Variants in ZNF488 observed in about 807,000 individuals in gnomAD.
The protein encoded by ZNF488 is zinc finger protein 488.
In ZNF488, 1 loss-of-function variant was observed where a neutral mutation model predicts 1.2. The observed-to-expected ratio is 0.86, with a 90% CI of 0.30 to 4.07. The LOEUF is 4.07. ZNF488 is among the 30% of genes most tolerant of loss of function. The pLI is 0.18. For missense variants in ZNF488, 450 were observed against 437.9 expected (o/e 1.03, Z -0.25); for synonymous variants, 185 against 190.1 (o/e 0.97, Z 0.22).
chr10:47,365,539 C>G lies in ZNF488; in HGVS notation c.*2268G>C, dbSNP rs1366878923. 4.2e-5 allele frequency: 7 copies of G among 167,156 alleles called. No homozygotes were observed. Among genetic ancestry groups the G allele is most frequent in the Non-Finnish European group, 8.8e-5 (6 of 68,154 alleles). The allele number at this position is 167,156 out of a possible 1,614,324, so 10.4% of individuals were successfully genotyped here. A position where few individuals can be genotyped will look rare whatever the true frequency, so the allele number is the denominator to read the frequency against. On this transcript the variant is annotated 3_prime_UTR_variant, in exon 2 of 2. Coordinates refer to ENST00000585316, the MANE Select transcript of ZNF488 (RefSeq NM_153034.4). ...TTATGCACCAACAATATGCCATGCC[C>G]TGTTCTGGGCACCAGGGATGCACAG...
intron 1 of ZNF488, among the ~76,000 whole-genome samples, chr10:47,375,558 A>T (rs1673467254): frequency 6.6e-6 from 1 of 152,234 alleles, no homozygotes; most frequent in Admixed American, 6.5e-5. Flanking sequence ...TGTCTTGTCG[A>T]TAGCTGTTAT....
rs1555213084 is a variant in ZNF488, at chr10:47,367,972, T to C, written c.858A>G (p.Leu286=). 1.2e-6 allele frequency: 2 copies of C among 1,614,032 alleles called. No individual in the cohort carries two copies. Among genetic ancestry groups the C allele is most frequent in the South Asian group, 2.2e-5 (2 of 91,072 alleles). Residue 286 remains leucine, a synonymous_variant, in exon 2 of 2, where the codon CTA becomes CTG. Coordinates refer to ENST00000585316, the MANE Select transcript of ZNF488 (RefSeq NM_153034.4). The part of the protein sequence containing the change: ...WCAKCNLSFR[L]TSDLVFHMRS... ...GCATGTGAAAGACCAGGTCGGACGT[T>C]AGGCGAAAGGACAGGTTGCACTTTG...
At chr10:47,381,854 A>G (rs1237342114) in intron 1 of ZNF488, among the ~76,000 whole-genome samples, 2 of 152,244 alleles carry the variant, frequency 1.3e-5, no homozygotes, top group African/African-American at 4.8e-5. Context: ...AGAGTCTGCC[A>G]TGAATATGAC....
intron 1 of ZNF488, among the ~76,000 whole-genome samples, chr10:47,377,610 A>T (rs1000902817): frequency 1.8e-4 from 26 of 148,216 alleles, no homozygotes; most frequent in African/African-American, 4.5e-4. Context: ...TCACACACAC[A>T]CACACACACA....
chr10:47,375,104 T>C (rs566814021), intron 1 of ZNF488, among the ~76,000 whole-genome samples: 1 of 152,338 alleles, frequency 6.6e-6, no homozygotes, highest in African/African-American at 2.4e-5. Context: ...GCCTGCAACT[T>C]GATTTTCTTG....
At chr10:47,377,100 C>T (rs1423849297) in intron 1 of ZNF488, among the ~76,000 whole-genome samples, 1 of 152,236 alleles carries the variant, frequency 6.6e-6, no homozygotes, top group East Asian at 1.9e-4. Context: ...ATCTCTGCAA[C>T]CCCCGCAGGG....
intron 1 of ZNF488, among the ~76,000 whole-genome samples, chr10:47,373,606 G>A (rs782535210): frequency 2.0e-5 from 3 of 152,106 alleles, no homozygotes; most frequent in Non-Finnish European, 4.4e-5. Flanking sequence ...CCTCAGGAAC[G>A]TTCATTTATT....
In ZNF488 at chr10:47,367,807, C is replaced by T; in HGVS notation, c.1023G>A (p.Ter341=). ...HLSRHMTSHS[*] ...CAGCAGGTCATTCTGCGGTCACCTGCTAGCTGTGAGAAGTCATGTGCCGGG... is the reference window on the plus strand; with the variant it reads ...CAGCAGGTCATTCTGCGGTCACCTGTTAGCTGTGAGAAGTCATGTGCCGGG... Residue 341 remains the stop codon, a stop_retained_variant, in exon 2 of 2, where the codon TAG becomes TAA. Transcript: ENST00000585316. 1 of 1,607,306 alleles carries T rather than the reference C, an allele frequency of 6.2e-7. No individual in the cohort carries two copies. Among genetic ancestry groups the T allele is most frequent in the South Asian group, 1.1e-5 (1 of 89,936 alleles).
chr10:47,383,332 C>G (rs1838057297), intron 1 of ZNF488, among the ~76,000 whole-genome samples: 1 of 152,190 alleles, frequency 6.6e-6, no homozygotes, highest in Non-Finnish European at 1.5e-5. Flanking sequence ...CTGTTAATTT[C>G]TTATTTCCAG....
At position 47,368,458 on chromosome 10, in the gene ZNF488, G is replaced by A; in HGVS notation, c.372C>T (p.Asp124=). 2 of 1,614,024 alleles carry A rather than the reference G, an allele frequency of 1.2e-6. No homozygotes were observed. The highest frequency in any genetic ancestry group is 1.7e-6 in the Non-Finnish European group (2 of 1,180,004). ...GTGGGGCACCAGGTTGGCCTGTGGG[G>A]TCATCGTGCTCCCTCTCCTGGGCCT... ...DAQAQEREHD[D]PTGQPGAPQL... Residue 124 remains aspartate, a synonymous_variant, in exon 2 of 2, where the codon GAC becomes GAT. Transcript: ENST00000585316.
In ZNF488 at chr10:47,368,186, C is replaced by A; in HGVS notation, c.644G>T (p.Gly215Val). ...CAATGCTTGCAAGTTCCACAAATCA[C>A]CAACCAAAAGCTTGGGAGTTGAAAG... ...GRLSTPKLLV[G>V]DLWNLQALPQ... The change falls in exon 2 of 2, where the codon GGT becomes GTT. Residue 215 changes from glycine to valine, a missense_variant. Coordinates refer to ENST00000585316, the MANE Select transcript of ZNF488 (RefSeq NM_153034.4). 6.2e-7 allele frequency: 1 copy of A among 1,614,176 alleles called. No homozygotes were observed. Among genetic ancestry groups the A allele is most frequent in the East Asian group, 2.2e-5 (1 of 44,872 alleles).
At chr10:47,380,661 G>C (rs782244530) in intron 1 of ZNF488, among the ~76,000 whole-genome samples, 4 of 150,940 alleles carry the variant, frequency 2.7e-5, no homozygotes, top group Non-Finnish European at 5.9e-5. Flanking sequence ...GGAACCACTG[G>C]CCACATTCTC....
At chr10:47,369,978 CTGAA>C (rs147995346) in intron 1 of ZNF488, among the ~76,000 whole-genome samples, 28 of 152,248 alleles carry the variant, frequency 1.8e-4, no homozygotes, top group East Asian at 7.7e-4. Flanking sequence ...GAAGCCTTTG[CTGAA>C]TGAATGAATG....
intron 1 of ZNF488, among the ~76,000 whole-genome samples, chr10:47,371,864 G>A (rs891477039): frequency 2.0e-5 from 3 of 152,044 alleles, no homozygotes; most frequent in Non-Finnish European, 2.9e-5. Flanking sequence ...TCCTGGGAGC[G>A]GAGGGGCCTT....
intron 1 of ZNF488, among the ~76,000 whole-genome samples, chr10:47,383,023 CAT>C (rs782709666): frequency 6.6e-6 from 1 of 152,162 alleles, no homozygotes; most frequent in Admixed American, 6.5e-5. Flanking sequence ...AACTAAATCA[CAT>C]ATCTCTGATA....
rs1555213154 is a variant in ZNF488, at chr10:47,368,122, G to T, written c.708C>A (p.Ala236=). 6.2e-7 allele frequency: 1 copy of T among 1,614,208 alleles called. No individual in the cohort carries two copies. The highest frequency in any genetic ancestry group is 1.1e-5 in the South Asian group (1 of 91,088). Residue 236 remains alanine (A), a synonymous_variant, in exon 2 of 2, where the codon GCC becomes GCA. Coordinates refer to ENST00000585316, the MANE Select transcript of ZNF488 (RefSeq NM_153034.4). ...NAPLCSTFLG[A]PTLWLEHTQA... is the part of the protein sequence containing the mutation. ...GGGTATGCTCCAGCCACAGTGTAGG[G>T]GCACCCAGAAAAGTGCTACAGAGTG...
chr10:47,375,344 C>T (rs1460430972), intron 1 of ZNF488, among the ~76,000 whole-genome samples: 1 of 152,178 alleles, frequency 6.6e-6, no homozygotes, highest in African/African-American at 2.4e-5. Context: ...CTCCACCTGC[C>T]GGTGCGGGGG....
intron 1 of ZNF488, among the ~76,000 whole-genome samples, chr10:47,374,394 A>T (rs1383542797): frequency 6.6e-6 from 1 of 152,178 alleles, no homozygotes; most frequent in African/African-American, 2.4e-5. Flanking sequence ...ATTCAAATAC[A>T]AACAGGACTG....
chr10:47,368,938 C>CTGCAGA lies in ZNF488; in HGVS notation c.-108-7_-108-2dup. 15 of 1,352,486 alleles carry CTGCAGA rather than the reference C, an allele frequency of 1.1e-5. No individual in the cohort carries two copies. In the South Asian group the frequency reaches 2.1e-4, roughly 19 times the overall value. 83.8% of individuals were successfully genotyped at this position (1,352,486 alleles called of 1,614,324 possible). On this transcript the variant is annotated splice_acceptor_variant, in intron 1 of 1. Coordinates refer to ENST00000585316, the MANE Select transcript of ZNF488 (RefSeq NM_153034.4). LOFTEE classifies it low-confidence loss of function (5UTR_SPLICE). ...GCTGGACACACTCGGCCACAGGGCC[C>CTGCAGA]TGCAGAGAGAGGAAGCGACAGGCAG...
Sources: gnomAD v4.1 joint callset for allele counts (sites outside exome capture counted in the v4.1 genomes callset) on GRCh38, gnomAD v4.1.1 for gene constraint, MANE v1.5 for transcripts, NCBI Gene and HGNC (gene_info 2026-07-23, HGNC 2026-07-21) for gene names.